Variants in DRD3 observed in about 807,000 individuals in gnomAD.
DRD3 encodes D(3) dopamine receptor.
DRD3 carries 19 observed loss-of-function variants against 36.3 expected under a neutral mutation model. The ratio of observed to expected loss-of-function variants is 0.52; its 90% CI spans 0.36 to 0.77. The LOEUF is 0.77. Among genes scored for constraint, DRD3 ranks in the 30% least tolerant of loss-of-function variants. The pLI, the probability that DRD3 is intolerant of heterozygous loss-of-function variation, is 0.00. For synonymous variants in DRD3, 195 were observed against 203.7 expected (o/e 0.96, Z 0.36); for missense variants, 465 against 505.3 (o/e 0.92, Z 0.77).
chr3:114,177,058 A>G (rs1034071144), intron 1 of DRD3, among the ~76,000 whole-genome samples: 3 of 152,130 alleles, frequency 2.0e-5, no homozygotes, highest in South Asian at 2.1e-4. Flanking sequence ...CCACTTAACT[A>G]TGCCACTTTT....
chr3:114,138,401 A>T (rs958435689), intron 5 of DRD3, among the ~76,000 whole-genome samples: 3 of 152,320 alleles, frequency 2.0e-5, no homozygotes, highest in South Asian at 2.1e-4. Context: ...AGGCCTCACA[A>T]TCATGGTGGA....
At chr3:114,155,104 C>T (rs2077653413) in intron 3 of DRD3, among the ~76,000 whole-genome samples, 1 of 152,118 alleles carries the variant, frequency 6.6e-6, no homozygotes, top group African/African-American at 2.4e-5. Context: ...GGCTTCATGA[C>T]CAAAAAATAC....
chr3:114,188,273 G>T (rs1026006877), intron 1 of DRD3, among the ~76,000 whole-genome samples: 1 of 144,230 alleles, frequency 6.9e-6, no homozygotes, highest in Non-Finnish European at 1.5e-5. Flanking sequence ...GAGTGCAATG[G>T]TGAGATCTCA....
intron 1 of DRD3, among the ~76,000 whole-genome samples, chr3:114,190,410 TAATATA>T (rs2077998093): frequency 1.7e-5 from 1 of 58,142 alleles, no homozygotes; most frequent in Non-Finnish European, 3.1e-5. Flanking sequence ...GGAAAAAGGA[TAATATA>T]TATATATATA....
At position 114,147,511 on chromosome 3, in the gene DRD3, G is replaced by C; in HGVS notation, c.430C>G (p.Gln144Glu). 1 of 1,614,138 alleles carries C rather than the reference G, an allele frequency of 6.2e-7. No individual in the cohort carries two copies. The highest frequency in any genetic ancestry group is 8.5e-7 in the Non-Finnish European group (1 of 1,180,014). ...AGGGCCACGCGCCGACAGGAGCTCT[G>C]TCCCGTGCCATGCTGGTAGTGAACG... ...MPVHYQHGTG[Q>E]SSCRRVALMI... is the part of the protein sequence containing the mutation. The change falls in exon 4 of 7, where the codon CAG becomes GAG. Residue 144 changes from glutamine (Q) to glutamate (E), a missense_variant. By Grantham distance (29) the Gln-to-Glu change is conservative (BLOSUM62 2). Coordinates refer to ENST00000383673, the MANE Select transcript of DRD3 (RefSeq NM_000796.6).
chr3:114,131,359 G>A lies in DRD3; in HGVS notation c.765C>T (p.Tyr255=), dbSNP rs758147383. Residue 255 remains tyrosine, a synonymous_variant, in exon 6 of 7, where the codon TAC becomes TAT. Transcript: ENST00000383673. ...PDPAHLELKR[Y]YSICQDTALG... Reference sequence around the variant, plus strand: ...AGGCAGTGTCCTGGCAGATGCTGTAGTAACGCTTCAGCTCCAGATGTGCCG... The same window carrying A: ...AGGCAGTGTCCTGGCAGATGCTGTAATAACGCTTCAGCTCCAGATGTGCCG... 2.5e-6 allele frequency: 4 copies of A among 1,614,224 alleles called. No individual in the cohort carries two copies. Among genetic ancestry groups the A allele is most frequent in the Non-Finnish European group, 3.4e-6 (4 of 1,180,044 alleles).
At chr3:114,182,477 T>C (rs1433831019), upstream of DRD3, among the ~76,000 whole-genome samples, 3 of 150,524 alleles carry the variant, frequency 2.0e-5, no homozygotes, top group African/African-American at 7.4e-5. Context: ...AAATAAATGA[T>C]AGTGGTTTTT....
At chr3:114,175,544 C>T (rs1448760931) in intron 1 of DRD3, among the ~76,000 whole-genome samples, 1 of 152,208 alleles carries the variant, frequency 6.6e-6, no homozygotes, top group African/African-American at 2.4e-5. Flanking sequence ...GCATCTCACT[C>T]ATTTTTGCTT....
chr3:114,152,174 T>C (rs2077624053), intron 3 of DRD3, among the ~76,000 whole-genome samples: 1 of 151,970 alleles, frequency 6.6e-6, no homozygotes, highest in Admixed American at 6.5e-5. Flanking sequence ...ACCCAAGCAG[T>C]ATACACTGTA....
chr3:114,174,261 G>A (rs2077876105), intron 1 of DRD3, among the ~76,000 whole-genome samples: 1 of 152,156 alleles, frequency 6.6e-6, no homozygotes, highest in Non-Finnish European at 1.5e-5. Flanking sequence ...GGCAGGCTGA[G>A]GCCCAAATGT....
At chr3:114,173,136 AT>A (rs2077863309) in intron 1 of DRD3, among the ~76,000 whole-genome samples, 2 of 152,286 alleles carry the variant, frequency 1.3e-5, no homozygotes, top group African/African-American at 4.8e-5. Flanking sequence ...CTCTTTCACC[AT>A]GGGAAGACAT....
chr3:114,185,827 G>A (rs1215244073), intron 1 of DRD3, among the ~76,000 whole-genome samples: 3 of 151,996 alleles, frequency 2.0e-5, no homozygotes, highest in African/African-American at 7.2e-5. Context: ...AGGCTACCAT[G>A]CCTGGAAAAT....
intron 4 of DRD3, among the ~76,000 whole-genome samples, chr3:114,145,938 A>G (rs925605041): frequency 5.3e-5 from 8 of 152,164 alleles, no homozygotes; most frequent in African/African-American, 1.9e-4. Flanking sequence ...ATTTTAATTC[A>G]CTCAAGTGTA....
upstream of DRD3, among the ~76,000 whole-genome samples, chr3:114,182,758 T>C (rs112915369): frequency 0.045 from 6,881 of 152,276 alleles, 209 homozygotes; most frequent in Middle Eastern, 0.078. Flanking sequence ...ACTATATTTG[T>C]CTTTTTCAGA....
At chr3:114,145,401 C>T (rs895254134) in intron 4 of DRD3, among the ~76,000 whole-genome samples, 2 of 152,160 alleles carry the variant, frequency 1.3e-5, no homozygotes, top group Non-Finnish European at 2.9e-5. Flanking sequence ...TATAAAGTGT[C>T]ATTCAGTTAA....
chr3:114,168,556 GCTCT>G (rs150328361), intron 2 of DRD3, among the ~76,000 whole-genome samples: 5 of 147,728 alleles, frequency 3.4e-5, no homozygotes, highest in Admixed American at 1.4e-4. Flanking sequence ...GAAAGTGCAT[GCTCT>G]CTCTCTCTCT....
intron 2 of DRD3, among the ~76,000 whole-genome samples, chr3:114,164,240 A>AAAAAAAAAAAAAAAAAAAAAAAT: frequency 1.3e-5 from 2 of 149,912 alleles, no homozygotes; most frequent in Non-Finnish European, 1.5e-5. Flanking sequence ...AAAAAAAAAA[A>AAAAAAAAAAAAAAAAAAAAAAAT]AAAAAAAAAA....
intron 1 of DRD3, among the ~76,000 whole-genome samples, chr3:114,188,563 C>T (rs1460850128): frequency 1.3e-5 from 2 of 152,200 alleles, no homozygotes; most frequent in Non-Finnish European, 2.9e-5. Flanking sequence ...TGACTTGCCT[C>T]ATGTTCACAA....
At chr3:114,184,630 A>C (rs951331723) in intron 1 of DRD3, among the ~76,000 whole-genome samples, 2 of 118,088 alleles carry the variant, frequency 1.7e-5, no homozygotes. Flanking sequence ...AATGCTCCTC[A>C]GCTTTTGTTT....
Sources: allele counts gnomAD v4.1 joint callset (sites outside exome capture counted in the v4.1 genomes callset), GRCh38; gene constraint gnomAD v4.1.1; transcripts MANE v1.5; gene names NCBI Gene and HGNC (gene_info 2026-07-23, HGNC 2026-07-21).